Variants in RELT observed in about 807,000 individuals in gnomAD.
RELT encodes the protein RELT TNF receptor.
In RELT, 37 loss-of-function variants were observed where a neutral mutation model predicts 51.1. The ratio of observed to expected loss-of-function variants is 0.72; its 90% CI spans 0.56 to 0.95. The LOEUF is 0.95. RELT is among the 40% of genes least tolerant of loss of function. RELT has a pLI of 0.00. For missense variants in RELT, 535 were observed against 572.6 expected, an observed-to-expected ratio of 0.93 and a Z score of 0.67; for synonymous variants, 241 against 235.7, an observed-to-expected ratio of 1.02 and a Z score of -0.21.
chr11:73,384,581 C>G (rs1392278595), intron 1 of RELT: 1 of 152,402 alleles, frequency 6.6e-6, no homozygotes, highest in Non-Finnish European at 1.5e-5. Flanking sequence ...CAGTGCAAGA[C>G]AGAGCAGAGC....
rs1866168018 is a variant in RELT at position 73,388,994 on chromosome 11, C to T, written c.-25-118C>T. On this transcript the variant is annotated intron_variant, in intron 1 of 10. Transcript: ENST00000064780. This position sits in a 1 kb window ranked among gnomAD's most constrained non-coding sequence, Gnocchi z 4.1. The stretch of plus-strand genomic sequence containing the variant: ...AGCCGGCCTCCCCGGGCTCTGCCTG[C>T]CCAGCAGCACCTTGCCTGCTCCCCA... The T allele has an allele frequency of 3.0e-6, 2 of 657,270 alleles. No homozygotes were observed. The highest frequency in any genetic ancestry group is 5.7e-5 in the East Asian group (2 of 35,266). 40.7% of individuals were successfully genotyped at this position (657,270 alleles called of 1,614,324 possible).
At chr11:73,389,252 T>C (rs933717609) in intron 2 of RELT, 71 bp downstream of exon 2, 3 of 1,099,210 alleles carry the variant, frequency 2.7e-6, no homozygotes, top group South Asian at 3.1e-5. Flanking sequence ...AGCAAGAGGG[T>C]GCAGACACTC....
At chr11:73,393,625 T>C (rs1435464128) in intron 6 of RELT, 3 of 1,516,710 alleles carry the variant, frequency 2.0e-6, no homozygotes, top group Non-Finnish European at 2.6e-6. Flanking sequence ...GGCTGTTGGG[T>C]GCAGGAAGCA....
chr11:73,390,504 C>G lies in RELT; in HGVS notation c.46-47C>G, dbSNP rs375357831. 3.8e-6 allele frequency: 6 copies of G among 1,565,258 alleles called. No homozygotes were observed. The South Asian group carries it at 6.7e-5, about 17-fold the overall frequency. On this transcript the variant is annotated intron_variant, in intron 2 of 10. Transcript: ENST00000064780. ...TGGGGGATAGATGACCCCAGAGACC[C>G]CACACCCAGCACTTTCTGCCTCTTT...
At position 73,395,309 on chromosome 11, in the gene RELT, C is replaced by T. The variant is rs759470926; in HGVS notation, c.1245+24C>T. 2.5e-6 allele frequency: 4 copies of T among 1,610,886 alleles called. No homozygotes were observed. In the South Asian group the frequency reaches 3.3e-5, roughly 13 times the overall value. ...AGGTGAGAGTCAAGGAGAAAGGCAT[C>T]TGTTGGCACCTGGGCCAACCCTGAC... On this transcript the variant is annotated intron_variant, in intron 10 of 10. Transcript: ENST00000064780.
In RELT at chr11:73,390,896, A is replaced by G; in HGVS notation, c.262A>G (p.Thr88Ala). 4.3e-6 allele frequency: 7 copies of G among 1,613,420 alleles called. No individual in the cohort carries two copies. The highest frequency in any genetic ancestry group is 5.9e-6 in the Non-Finnish European group (7 of 1,179,856). ...EAQVGMATRD[T>A]LCGDCWPGWF... ...CCAGGTGGGCATGGCAACTCGAGATACACTCTGTGGAGACTGCTGGCCTGG... is the reference window on the plus strand; with the variant it reads ...CCAGGTGGGCATGGCAACTCGAGATGCACTCTGTGGAGACTGCTGGCCTGG... The change falls in exon 4 of 11, where the codon ACA (threonine) becomes GCA (alanine). Residue 88 changes from threonine (T) to alanine (A), a missense_variant. Transcript: ENST00000064780.
At chr11:73,383,123 G>A (rs1252369111) in intron 1 of RELT, among the ~76,000 whole-genome samples, 13 of 152,154 alleles carry the variant, frequency 8.5e-5, no homozygotes, top group Admixed American at 8.5e-4. Flanking sequence ...TGGCCTCGAG[G>A]TGCTCCCCAG....
chr11:73,392,268 G>A lies in RELT; in HGVS notation c.425G>A (p.Gly142Asp), dbSNP rs1375091039. Residue 142 changes from glycine to aspartate, a missense_variant, in exon 6 of 11, where the codon GGT becomes GAT. Coordinates refer to ENST00000064780, the MANE Select transcript of RELT (RefSeq NM_152222.2). The part of the protein sequence containing the change: ...VEVAAGASSG[G>D]ETRQPGNGTR... Reference sequence around the variant, plus strand: ...GTGGCAGCAGGGGCCAGCAGCGGTGGTGAGACACGGCAGCCTGGGAACGGC... The same window carrying A: ...GTGGCAGCAGGGGCCAGCAGCGGTGATGAGACACGGCAGCCTGGGAACGGC... 2 of 1,613,110 alleles carry A rather than the reference G, an allele frequency of 1.2e-6. No homozygotes were observed. The highest frequency in any genetic ancestry group is 2.2e-5 in the South Asian group (2 of 91,062).
intron 1 of RELT, among the ~76,000 whole-genome samples, chr11:73,387,157 C>G (rs937854821): frequency 3.3e-5 from 5 of 152,130 alleles, no homozygotes; most frequent in South Asian, 2.1e-4. Context: ...CTTGGCCAGG[C>G]TGGTCTTGAA....
chr11:73,378,205 A>G (rs1442629406), intron 1 of RELT, among the ~76,000 whole-genome samples: 2 of 152,174 alleles, frequency 1.3e-5, no homozygotes, highest in African/African-American at 4.8e-5. Flanking sequence ...TCCCGTATGA[A>G]GGTCTGTGGG....
intron 1 of RELT, among the ~76,000 whole-genome samples, chr11:73,377,030 C>T (rs1478817421): frequency 6.6e-6 from 1 of 152,180 alleles, no homozygotes; most frequent in Non-Finnish European, 1.5e-5. Flanking sequence ...TGACGCCGGG[C>T]CGAGCGGGCG....
rs989046978 is a variant in RELT at position 73,396,180 on chromosome 11, C to T, written c.*689C>T. The T allele has an allele frequency of 6.5e-6, 1 of 152,836 alleles. No individual in the cohort carries two copies. Among genetic ancestry groups the T allele is most frequent in the Admixed American group, 6.5e-5 (1 of 15,294 alleles). The allele number at this position is 152,836 out of a possible 1,614,324, so 9.5% of individuals were successfully genotyped here. On this transcript the variant is annotated 3_prime_UTR_variant, in exon 11 of 11. Transcript: ENST00000064780. ...TATCCAGCCCCGTTTTTGCTGCTTC[C>T]AGGGCCTCTGCCTTCAAGGCCCCCA...
At chr11:73,392,873 G>A (rs1866241306) in intron 6 of RELT, 1 of 1,093,606 alleles carries the variant, frequency 9.1e-7, no homozygotes, top group South Asian at 2.8e-5. Context: ...CAGCTGTCCT[G>A]TCCTGGGCAG....
intron 1 of RELT, among the ~76,000 whole-genome samples, chr11:73,381,099 C>G (rs1291744510): frequency 1.3e-5 from 2 of 152,218 alleles, no homozygotes; most frequent in South Asian, 4.1e-4. Context: ...AGGCACTTGC[C>G]AGGCCCCAGT....
At position 73,390,593 on chromosome 11, in the gene RELT, T is replaced by C. The variant is rs774534971; in HGVS notation, c.88T>C (p.Trp30Arg). 6.2e-7 allele frequency: 1 copy of C among 1,613,984 alleles called. No individual in the cohort carries two copies. Among genetic ancestry groups the C allele is most frequent in the South Asian group, 1.1e-5 (1 of 91,084 alleles). Residue 30 changes from tryptophan to arginine, a missense_variant, in exon 3 of 11, where the codon TGG (tryptophan) becomes CGG (arginine). By Grantham distance (101) the Trp-to-Arg change is moderately radical. Coordinates refer to ENST00000064780, the MANE Select transcript of RELT (RefSeq NM_152222.2). ...PLATLTSTTL[W>R]QCPPGEEPDL... ...CGCCACCCTGACATCAACAACCCTTTGGCAGTGCCCACCTGGGGAGGAGCC... is the reference window on the plus strand; with the variant it reads ...CGCCACCCTGACATCAACAACCCTTCGGCAGTGCCCACCTGGGGAGGAGCC...
rs1212350678 is a variant in RELT at position 73,388,849 on chromosome 11, C to T, written c.-25-263C>T. ...AAGGAAGGGGAAGGAAGCCCTTCCTCCTCTGGGAAGCCTCCCAGCCTGCAG... is the reference window on the plus strand; with the variant it reads ...AAGGAAGGGGAAGGAAGCCCTTCCTTCTCTGGGAAGCCTCCCAGCCTGCAG... On this transcript the variant is annotated intron_variant, in intron 1 of 10. Coordinates refer to ENST00000064780, the MANE Select transcript of RELT (RefSeq NM_152222.2). The surrounding 1 kb of genome is among the most constrained non-coding windows in gnomAD (Gnocchi z 4.1). Among the ~76,000 whole-genome samples the T allele has an allele frequency of 7.2e-5, 11 of 152,220 alleles. No homozygotes were observed. The highest frequency in any genetic ancestry group is 7.2e-4 in the Admixed American group (11 of 15,290).
At chr11:73,392,098 C>T in intron 5 of RELT, 113 bp from the exon 6 acceptor site, 2 of 1,286,214 alleles carry the variant, frequency 1.6e-6, no homozygotes, top group Non-Finnish European at 2.2e-6. Flanking sequence ...GAGTGGGCTC[C>T]CCTGGGCACA....
chr11:73,380,475 C>T (rs1331503855), intron 1 of RELT, among the ~76,000 whole-genome samples: 1 of 152,210 alleles, frequency 6.6e-6, no homozygotes, highest in Non-Finnish European at 1.5e-5. Flanking sequence ...TTCCTCACAA[C>T]AGCACTCACC....
At position 73,389,232 on chromosome 11, in the gene RELT, G is replaced by A. The variant is rs371463991; in HGVS notation, c.45+51G>A. The A allele has an allele frequency of 9.2e-4, 1,227 of 1,335,768 alleles. 18 individuals are homozygous for A. Among genetic ancestry groups the A allele is most frequent in the South Asian group, 8.3e-4 (61 of 73,858 alleles). 82.7% of individuals were successfully genotyped at this position (1,335,768 alleles called of 1,614,324 possible). ...GGAGAAAAGCCGCACCCTCAGCCCT[G>A]CAGCCCTCCAGCAAGAGGGTGCAGA... On this transcript the variant is annotated intron_variant, in intron 2 of 10. Transcript: ENST00000064780.
Sources: gnomAD v4.1 joint callset for allele counts (sites outside exome capture counted in the v4.1 genomes callset) on GRCh38, gnomAD v4.1.1 for gene constraint, Gnocchi (gnomAD v3.1) non-coding constraint, MANE v1.5 for transcripts, NCBI Gene and HGNC (gene_info 2026-07-23, HGNC 2026-07-21) for gene names.